ZDHHC15: variants seen among roughly 807,000 people sequenced by gnomAD.
ZDHHC15 encodes the protein zDHHC palmitoyltransferase 15.
In ZDHHC15, 19 loss-of-function variants were observed where a neutral mutation model predicts 31.7. That is an observed-to-expected ratio of 0.60 (90% CI 0.42 to 0.88). The LOEUF is 0.88. Ranked by LOEUF, ZDHHC15 falls within the 40% of genes least tolerant of loss-of-function variation. ZDHHC15 has a pLI of 0.00. For missense variants in ZDHHC15, 209 were observed against 251.2 expected, an observed-to-expected ratio of 0.83 and a Z score of 1.14; for synonymous variants, 103 against 90.0, an observed-to-expected ratio of 1.14 and a Z score of -0.82.
intron 2 of ZDHHC15, among the ~76,000 whole-genome samples, chrX:75,500,625 C>A (rs2085074273): frequency 9.1e-6 from 1 of 109,845 alleles, no homozygotes; most frequent in Non-Finnish European, 1.9e-5. Flanking sequence ...TATTGTTTGA[C>A]TTTTCAATAA....
intron 10 of ZDHHC15, among the ~76,000 whole-genome samples, chrX:75,395,989 T>A (rs2083295312): frequency 8.9e-6 from 1 of 112,002 alleles, no homozygotes; most frequent in Non-Finnish European, 1.9e-5. Context: ...TATATAAAAG[T>A]CAAATCAGAA....
At chrX:75,442,288 G>A (rs2083953714) in intron 4 of ZDHHC15, among the ~76,000 whole-genome samples, 1 of 111,596 alleles carries the variant, frequency 9.0e-6, no homozygotes, top group Non-Finnish European at 1.9e-5. Context: ...ACATAGTGTT[G>A]GAAGTTCTGG....
intron 4 of ZDHHC15, among the ~76,000 whole-genome samples, chrX:75,449,222 AC>A (rs2147906033): frequency 9.7e-6 from 1 of 103,255 alleles, no homozygotes; most frequent in East Asian, 3.0e-4. Context: ...ACACACACAC[AC>A]ACACACACAC....
intron 3 of ZDHHC15, among the ~76,000 whole-genome samples, chrX:75,459,617 G>A (rs1450514322): frequency 9.0e-6 from 1 of 111,221 alleles, no homozygotes; most frequent in Non-Finnish European, 1.9e-5. Flanking sequence ...TGTCTGTGGG[G>A]ACTTCAGCCA....
intron 2 of ZDHHC15, among the ~76,000 whole-genome samples, chrX:75,484,881 G>A (rs990610952): frequency 2.1e-4 from 24 of 111,881 alleles, no homozygotes; most frequent in East Asian, 5.6e-4. Flanking sequence ...ATACTTCTCC[G>A]CAATAAAAAC....
chrX:75,473,931 G>A (rs773214436), intron 3 of ZDHHC15, among the ~76,000 whole-genome samples: 14 of 111,628 alleles, frequency 1.3e-4, no homozygotes, highest in Non-Finnish European at 2.6e-4. Flanking sequence ...GTGCGTTTCT[G>A]TTGTACAAAG....
intron 10 of ZDHHC15, among the ~76,000 whole-genome samples, chrX:75,392,160 C>G (rs1027108672): frequency 6.2e-5 from 7 of 112,095 alleles, no homozygotes; most frequent in African/African-American, 2.3e-4. Context: ...ATCACAAGGT[C>G]TCAAAATAGG....
chrX:75,447,111 G>C (rs2084044654), intron 4 of ZDHHC15, among the ~76,000 whole-genome samples: 1 of 111,612 alleles, frequency 9.0e-6, no homozygotes, highest in South Asian at 3.8e-4. Flanking sequence ...CACTCACCAA[G>C]GCTGACCTGG....
intron 1 of ZDHHC15, among the ~76,000 whole-genome samples, chrX:75,507,318 T>A (rs2085183376): frequency 9.0e-6 from 1 of 111,353 alleles, no homozygotes; most frequent in African/African-American, 3.3e-5. Flanking sequence ...TGTAAAGTCT[T>A]TATTACCTCT....
chrX:75,440,391 C>T (rs550400143), intron 4 of ZDHHC15, among the ~76,000 whole-genome samples: 4 of 111,144 alleles, frequency 3.6e-5, no homozygotes, highest in South Asian at 3.8e-4. Context: ...GCCATTCTCT[C>T]GCCTTAGCCT....
chrX:75,383,710 C>G (rs1449418697), intron 10 of ZDHHC15, among the ~76,000 whole-genome samples: 1 of 104,710 alleles, frequency 9.6e-6, no homozygotes, highest in African/African-American at 3.4e-5. Context: ...ATCACCCCCA[C>G]TACCCCAAAT....
At chrX:75,393,605 T>G (rs1469444122) in intron 10 of ZDHHC15, among the ~76,000 whole-genome samples, 1 of 111,428 alleles carries the variant, frequency 9.0e-6, no homozygotes, top group Non-Finnish European at 1.9e-5. Context: ...CTATTAGAAG[T>G]AGAGTCCTTA....
intron 10 of ZDHHC15, among the ~76,000 whole-genome samples, chrX:75,383,550 C>T (rs2083139456): frequency 9.0e-6 from 1 of 110,530 alleles, no homozygotes; most frequent in Non-Finnish European, 1.9e-5. Context: ...AATTCTCCCT[C>T]CTCTGTGAAG....
At chrX:75,492,464 T>A (rs1352478967) in intron 2 of ZDHHC15, among the ~76,000 whole-genome samples, 1 of 111,242 alleles carries the variant, frequency 9.0e-6, no homozygotes, top group Non-Finnish European at 1.9e-5. Flanking sequence ...CCACCCCAAG[T>A]CAACAGAATA....
chrX:75,415,877 G>A (rs2083543008), intron 10 of ZDHHC15, among the ~76,000 whole-genome samples: 2 of 112,090 alleles, frequency 1.8e-5, no homozygotes, highest in Admixed American at 9.5e-5. Flanking sequence ...GCTATGAATA[G>A]CTTTTTTCAT....
At chrX:75,379,440 G>T (rs2083092247) in intron 10 of ZDHHC15, among the ~76,000 whole-genome samples, 1 of 111,964 alleles carries the variant, frequency 8.9e-6, no homozygotes, top group African/African-American at 3.2e-5. Context: ...AATACTGGCT[G>T]GTATTTGACT....
At chrX:75,481,520 C>A (rs907506082) in intron 2 of ZDHHC15, among the ~76,000 whole-genome samples, 1 of 111,778 alleles carries the variant, frequency 8.9e-6, no homozygotes, top group Non-Finnish European at 1.9e-5. Flanking sequence ...ATTATGGGTA[C>A]TGTTAAATAA....
At chrX:75,474,514 ATATG>A (rs1184536723) in intron 3 of ZDHHC15, among the ~76,000 whole-genome samples, 2 of 103,878 alleles carry the variant, frequency 1.9e-5, no homozygotes, top group Non-Finnish European at 1.9e-5. Flanking sequence ...ATATACTCCC[ATATG>A]TGTGTATATA....
In ZDHHC15 at chrX:75,392,082, G is replaced by C. The variant is rs188586933; in HGVS notation, c.968-12884C>G. ...AAGCCTTACAGTTTGTATTAGTCAG[G>C]GTTCCCTAGAGGGACAGAACTAATG... is the stretch of plus-strand genomic sequence containing the variant. On this transcript the variant is annotated intron_variant, in intron 10 of 11. Transcript: ENST00000373367. 8.0e-3 allele frequency among the ~76,000 whole-genome samples: 894 copies of C among 112,044 alleles called. 11 individuals are homozygous for C. The highest frequency in any genetic ancestry group is 0.027 in the African/African-American group (822 of 30,864).
Sources: gnomAD v4.1 joint callset for allele counts (sites outside exome capture counted in the v4.1 genomes callset) on GRCh38, gnomAD v4.1.1 for gene constraint, MANE v1.5 for transcripts, NCBI Gene and HGNC (gene_info 2026-07-23, HGNC 2026-07-21) for gene names.